Variants in NEK7 observed in about 807,000 individuals in gnomAD.
NEK7 encodes NIMA related kinase 7, also known as serine/threonine-protein kinase Nek7.
A neutral mutation model predicts 44.6 loss-of-function variants in NEK7; 18 were observed. That is an observed-to-expected ratio of 0.40 (90% CI 0.28 to 0.60). NEK7 has a LOEUF of 0.60. Ranked by LOEUF, NEK7 falls within the 20% of genes least tolerant of loss-of-function variation. The pLI is 0.38. For missense variants in NEK7, 256 were observed against 366.5 expected (o/e 0.70, Z 2.46); for synonymous variants, 130 against 121.1 (o/e 1.07, Z -0.48).
At chr1:198,309,305 G>A (rs575528843) in intron 9 of NEK7, among the ~76,000 whole-genome samples, 5 of 152,150 alleles carry the variant, frequency 3.3e-5, no homozygotes, top group African/African-American at 1.2e-4. Context: ...AACTACAAGT[G>A]CTTTATTATG....
intron 9 of NEK7, among the ~76,000 whole-genome samples, chr1:198,312,736 T>C (rs1006732958): frequency 2.2e-4 from 33 of 151,368 alleles, no homozygotes; most frequent in Admixed American, 1.1e-3. Flanking sequence ...AGTTTCCATG[T>C]AGTTGAGCGA....
At chr1:198,195,258 A>C (rs933567136) in intron 1 of NEK7, among the ~76,000 whole-genome samples, 1 of 152,174 alleles carries the variant, frequency 6.6e-6, no homozygotes, top group Admixed American at 6.5e-5. Flanking sequence ...CTAAAAAAAA[A>C]CAGGGAGTTG....
At position 198,161,035 on chromosome 1, in the gene NEK7, A is replaced by G. The variant is rs781769767; in HGVS notation, c.-29+3759A>G. On this transcript the variant is annotated intron_variant, in intron 1 of 9. Coordinates refer to ENST00000367385, the MANE Select transcript of NEK7 (RefSeq NM_133494.3). ...AACTTCTTTTTTAACCTTTGTCAAA[A>G]TAACTGCCCTGCCATACTATTTAGG... Among the ~76,000 whole-genome samples the G allele has an allele frequency of 8.7e-4, 132 of 152,236 alleles. 1 individual carries two copies. Among genetic ancestry groups the G allele is most frequent in the Non-Finnish European group, 2.5e-4 (17 of 68,042 alleles).
At position 198,223,122 on chromosome 1, in the gene NEK7, C is replaced by T. The variant is rs1303224995; in HGVS notation, c.-28-9431C>T. Reference sequence around the variant, plus strand: ...GCAGGAGATTACTTACAGAATTCTACTGTGTTTCAGAAAGGAGTTTGAATT... The same window carrying T: ...GCAGGAGATTACTTACAGAATTCTATTGTGTTTCAGAAAGGAGTTTGAATT... On this transcript the variant is annotated intron_variant, in intron 1 of 9. Coordinates refer to ENST00000367385, the MANE Select transcript of NEK7 (RefSeq NM_133494.3). Among the ~76,000 whole-genome samples, 7 of 138,702 alleles carry T rather than the reference C, an allele frequency of 5.0e-5. No individual in the cohort carries two copies. In the South Asian group the frequency reaches 1.5e-3, roughly 30 times the overall value. The allele number at this position is 138,702 out of a possible 152,430, so 91.0% of individuals were successfully genotyped here.
chr1:198,201,923 G>A (rs1030939534), intron 1 of NEK7, among the ~76,000 whole-genome samples: 4 of 152,188 alleles, frequency 2.6e-5, no homozygotes, highest in Non-Finnish European at 5.9e-5. Flanking sequence ...TTGAGAATTG[G>A]GGAACCCTTT....
In NEK7 at chr1:198,287,901, G is replaced by A. The variant is rs1191318537; in HGVS notation, c.590-5044G>A. Among the ~76,000 whole-genome samples the A allele has an allele frequency of 2.6e-5, 4 of 152,174 alleles. No homozygotes were observed. In the East Asian group the frequency reaches 7.7e-4, roughly 29 times the overall value. ...GTTCTTTGATTTTGTAATATTGCCA[G>A]CAGAGTAAATGCATGGCCATCATTC... On this transcript the variant is annotated intron_variant, in intron 7 of 9. Transcript: ENST00000367385.
intron 2 of NEK7, among the ~76,000 whole-genome samples, chr1:198,240,403 G>A (rs142471648): frequency 8.3e-4 from 126 of 151,760 alleles, no homozygotes; most frequent in Non-Finnish European, 1.5e-3. Flanking sequence ...TGTTCAGAGC[G>A]ATGGGGCAAA....
At chr1:198,210,641 T>C (rs1263128523) in intron 1 of NEK7, among the ~76,000 whole-genome samples, 1 of 151,654 alleles carries the variant, frequency 6.6e-6, no homozygotes, top group Non-Finnish European at 1.5e-5. Flanking sequence ...TCTAGAAAGG[T>C]TATATACCTA....
intron 1 of NEK7, among the ~76,000 whole-genome samples, chr1:198,223,589 A>G (rs1379823979): frequency 6.6e-6 from 1 of 152,234 alleles, no homozygotes; most frequent in African/African-American, 2.4e-5. Context: ...ATGGAACACC[A>G]TGTTTACTTG....
At chr1:198,204,717 C>CAAAAAAAAAAA (rs58273857) in intron 1 of NEK7, among the ~76,000 whole-genome samples, 1 of 87,892 alleles carries the variant, frequency 1.1e-5, no homozygotes, top group African/African-American at 4.0e-5. Flanking sequence ...GACTCCGTCT[C>CAAAAAAAAAAA]AAAAAAAAAA....
intron 1 of NEK7, among the ~76,000 whole-genome samples, chr1:198,178,819 T>C (rs970781211): frequency 1.1e-4 from 17 of 151,986 alleles, no homozygotes; most frequent in African/African-American, 3.9e-4. Flanking sequence ...AAATTAAAAC[T>C]AATGGTACAG....
chr1:198,309,079 G>C (rs1360636881), intron 9 of NEK7, among the ~76,000 whole-genome samples: 1 of 152,150 alleles, frequency 6.6e-6, no homozygotes, highest in Non-Finnish European at 1.5e-5. Flanking sequence ...TTTAATACAA[G>C]TATGTGAAGG....
intron 2 of NEK7, among the ~76,000 whole-genome samples, chr1:198,252,804 C>A (rs186028409): frequency 2.7e-5 from 4 of 150,784 alleles, no homozygotes; most frequent in Admixed American, 1.3e-4. Flanking sequence ...TTGTTTATTC[C>A]CCTCACTAGA....
intron 1 of NEK7, among the ~76,000 whole-genome samples, chr1:198,179,704 T>G (rs1419809350): frequency 6.6e-6 from 1 of 152,120 alleles, no homozygotes; most frequent in Non-Finnish European, 1.5e-5. Flanking sequence ...AACCCTATCC[T>G]TCAATTGTGG....
At position 198,262,611 on chromosome 1, in the gene NEK7, T is replaced by C; in HGVS notation, c.235T>C (p.Cys79Arg). Residue 79 changes from cysteine to arginine, a missense_variant, in exon 4 of 10, where the codon TGC (cysteine) becomes CGC (arginine). Cys to Arg is a radical substitution (Grantham distance 180). Around this residue, in one of 3 missense-constraint regions of NEK7, gnomAD observed 102 missense variants for 205.2 expected, o/e 0.50. Coordinates refer to ENST00000367385, the MANE Select transcript of NEK7 (RefSeq NM_133494.3). Reference sequence around the variant, plus strand: ...AATGGATGCCAAAGCACGTGCTGATTGCATCAAAGAAATAGATCTTCTTAA... The same window carrying C: ...AATGGATGCCAAAGCACGTGCTGATCGCATCAAAGAAATAGATCTTCTTAA... ...DLMDAKARAD[C>R]IKEIDLLKQL... 1.3e-6 allele frequency: 2 copies of C among 1,596,598 alleles called. No individual in the cohort carries two copies. Among genetic ancestry groups the C allele is most frequent in the Non-Finnish European group, 1.7e-6 (2 of 1,168,334 alleles).
intron 2 of NEK7, among the ~76,000 whole-genome samples, chr1:198,243,886 A>G (rs950139700): frequency 1.3e-5 from 2 of 151,570 alleles, no homozygotes; most frequent in Admixed American, 6.6e-5. Flanking sequence ...GGTGGCACAT[A>G]TGGTGTTTTT....
chr1:198,248,578 G>A (rs1666899262), intron 2 of NEK7, among the ~76,000 whole-genome samples: 1 of 152,070 alleles, frequency 6.6e-6, no homozygotes, highest in Admixed American at 6.6e-5. Flanking sequence ...CTGGCACATG[G>A]TAAATATCAA....
At chr1:198,222,123 T>G (rs776298322) in intron 1 of NEK7, among the ~76,000 whole-genome samples, 1 of 152,092 alleles carries the variant, frequency 6.6e-6, no homozygotes, top group Non-Finnish European at 1.5e-5. Context: ...GATATTCAGA[T>G]TCCTAATTTT....
intron 1 of NEK7, among the ~76,000 whole-genome samples, chr1:198,183,203 G>GA (rs1664817420): frequency 1.3e-5 from 2 of 152,230 alleles, no homozygotes; most frequent in African/African-American, 4.8e-5. Context: ...GGTTACATTG[G>GA]TAGCCTGAAA....
Sources: allele counts gnomAD v4.1 joint callset (sites outside exome capture counted in the v4.1 genomes callset), GRCh38; gene constraint gnomAD v4.1.1; regional missense constraint gnomAD v4.1.1; transcripts MANE v1.5; gene names NCBI Gene and HGNC (gene_info 2026-07-23, HGNC 2026-07-21).